The following LRGUK variants were observed in gnomAD, a reference collection of about 807,000 sequenced individuals.
LRGUK encodes the protein leucine rich repeats and guanylate kinase domain containing.
LRGUK carries 65 observed loss-of-function variants against 76.0 expected under a neutral mutation model. The observed-to-expected ratio is 0.85, with a 90% confidence interval of 0.70 to 1.05. The LOEUF (loss-of-function observed/expected upper bound fraction) is 1.05. Ranked by LOEUF, LRGUK falls within the 50% of genes least tolerant of loss-of-function variation. The pLI, the probability that LRGUK is intolerant of heterozygous loss-of-function variation, is 0.00. For synonymous variants in LRGUK, 268 were observed against 265.6 expected (o/e 1.01, Z -0.09); for missense variants, 758 against 732.8 (o/e 1.03, Z -0.40).
intron 16 of LRGUK, among the ~76,000 whole-genome samples, chr7:134,240,723 A>G (rs1270006935): frequency 1.3e-5 from 2 of 152,226 alleles, no homozygotes; most frequent in African/African-American, 2.4e-5. Context: ...ATACTCCTCT[A>G]GAAGAGCAAC....
At chr7:134,169,292 G>T (rs1455702471) in intron 7 of LRGUK, among the ~76,000 whole-genome samples, 1 of 152,138 alleles carries the variant, frequency 6.6e-6, no homozygotes, top group African/African-American at 2.4e-5. Context: ...AGCTGGAGAA[G>T]GTAGGGAAGG....
At chr7:134,132,052 C>G (rs1797331640) in intron 1 of LRGUK, among the ~76,000 whole-genome samples, 1 of 152,150 alleles carries the variant, frequency 6.6e-6, no homozygotes, top group African/African-American at 2.4e-5. Flanking sequence ...AGCCAAGAGT[C>G]TCAAGAACGT....
chr7:134,249,094 G>A lies in LRGUK; in HGVS notation c.2198+18G>A, dbSNP rs1280949492. ...GAAAAGAGGTGAGTTGAGGTGTTTT[G>A]TTGGATGGAATTGGCTATTTTCTGC... On this transcript the variant is annotated intron_variant, in intron 18 of 19. Coordinates refer to the LRGUK transcript ENST00000285928. The A allele has an allele frequency of 8.4e-6, 13 of 1,550,004 alleles. No individual in the cohort carries two copies. Among genetic ancestry groups the A allele is most frequent in the African/African-American group, 1.4e-5 (1 of 72,348 alleles).
At chr7:134,261,046 G>A (rs772034160) in intron 19 of LRGUK, among the ~76,000 whole-genome samples, 5 of 152,140 alleles carry the variant, frequency 3.3e-5, no homozygotes, top group Non-Finnish European at 7.3e-5. Context: ...CATTTGTTTG[G>A]TTGCAGTAGA....
At chr7:134,252,077 T>A (rs1802460604) in intron 18 of LRGUK, among the ~76,000 whole-genome samples, 1 of 151,994 alleles carries the variant, frequency 6.6e-6, no homozygotes, top group Non-Finnish European at 1.5e-5. Context: ...CTCACACCTC[T>A]AATTCCAGTA....
chr7:134,163,573 T>C, intron 7 of LRGUK, 33 bp downstream of exon 7: 1 of 1,579,716 alleles, frequency 6.3e-7, no homozygotes, highest in Non-Finnish European at 8.6e-7. Flanking sequence ...TTGGTTTCAG[T>C]GTTGACATAA....
rs751675520 is a variant in LRGUK, at chr7:134,178,577, C to T, written c.1182C>T (p.Asn394=). The change falls in exon 10 of 16, where the codon AAC becomes AAT. Residue 394 remains asparagine (N), a synonymous_variant. Coordinates refer to ENST00000645682, the Ensembl canonical transcript of LRGUK. Reference sequence around the variant, plus strand: ...AAGACCACCTGACCCATGTTGTCAACAGCGTGATGCAGCCGCAGAGGATCT... The same window carrying T: ...AAGACCACCTGACCCATGTTGTCAATAGCGTGATGCAGCCGCAGAGGATCT... 6.8e-6 allele frequency: 11 copies of T among 1,613,006 alleles called. No homozygotes were observed. The Middle Eastern group carries it at 4.9e-4, about 73-fold the overall frequency.
intron 16 of LRGUK, among the ~76,000 whole-genome samples, chr7:134,243,971 A>G (rs1398148484): frequency 6.6e-6 from 1 of 152,210 alleles, no homozygotes; most frequent in African/African-American, 2.4e-5. Context: ...CTATTTAATA[A>G]ATGGTGCTGG....
intron 17 of LRGUK, 147 bp from the exon 18 acceptor site, chr7:134,248,804 A>G: frequency 3.9e-6 from 2 of 513,778 alleles, no homozygotes; most frequent in Non-Finnish European, 6.1e-6. Context: ...TCTGATGTGC[A>G]TGTTTCTGAG....
chr7:134,276,314 T>C, the LRGUK span, among the ~76,000 whole-genome samples: 2 of 152,246 alleles, frequency 1.3e-5, no homozygotes, highest in African/African-American at 2.4e-5. Context: ...AAGGCACTAT[T>C]ATAGAATGAT....
chr7:134,235,622 CCT>C (rs1293389585), intron 16 of LRGUK, among the ~76,000 whole-genome samples: 5 of 152,256 alleles, frequency 3.3e-5, no homozygotes, highest in East Asian at 3.9e-4. Flanking sequence ...TTGGTCTTCC[CCT>C]GTTAGACTAT....
At chr7:134,169,713 C>T (rs1799165394) in intron 7 of LRGUK, among the ~76,000 whole-genome samples, 1 of 152,120 alleles carries the variant, frequency 6.6e-6, no homozygotes, top group Admixed American at 6.5e-5. Context: ...ATTGTCCCAA[C>T]ATTTCAGAAT....
chr7:134,231,511 C>T (rs1801890142), intron 16 of LRGUK, among the ~76,000 whole-genome samples: 1 of 146,578 alleles, frequency 6.8e-6, no homozygotes, highest in Non-Finnish European at 1.5e-5. Context: ...TTCGTTCCTT[C>T]CTTCCTCCCT....
intron 11 of LRGUK, among the ~76,000 whole-genome samples, chr7:134,185,235 CA>C (rs1799934679): frequency 6.6e-6 from 1 of 151,788 alleles, no homozygotes. Flanking sequence ...ACAAAAAAAC[CA>C]CACACACACA....
At chr7:134,143,190 C>A in intron 4 of LRGUK, 28 bp downstream of exon 4, 1 of 1,297,102 alleles carries the variant, frequency 7.7e-7, no homozygotes, top group Non-Finnish European at 1.1e-6. Context: ...CTTAATTACA[C>A]ATTAAGGGGT....
At chr7:134,201,960 C>T (rs1420106915) in intron 15 of LRGUK, among the ~76,000 whole-genome samples, 1 of 152,112 alleles carries the variant, frequency 6.6e-6, no homozygotes, top group Non-Finnish European at 1.5e-5. Context: ...TTCCCCTTTT[C>T]TTTGCGTTAC....
chr7:134,145,438 G>T (rs906442091), intron 4 of LRGUK, among the ~76,000 whole-genome samples: 2 of 152,094 alleles, frequency 1.3e-5, no homozygotes, highest in African/African-American at 4.8e-5. Context: ...GTAGAGACGG[G>T]GTTTCACCAT....
intron 11 of LRGUK, among the ~76,000 whole-genome samples, chr7:134,189,692 G>A (rs1800120349): frequency 6.6e-6 from 1 of 152,206 alleles, no homozygotes; most frequent in Non-Finnish European, 1.5e-5. Flanking sequence ...TTTGCTGCAA[G>A]GGTGCCAAGC....
At chr7:134,163,260 G>A (rs1280330430) in intron 6 of LRGUK, 137 bp from the exon 7 acceptor site, 5 of 667,182 alleles carry the variant, frequency 7.5e-6, no homozygotes. Flanking sequence ...TGATGGAAAT[G>A]GGATGGAGGG....
Sources: gnomAD v4.1 joint callset for allele counts (sites outside exome capture counted in the v4.1 genomes callset) on GRCh38, gnomAD v4.1.1 for gene constraint, MANE v1.5 for transcripts, NCBI Gene and HGNC (gene_info 2026-07-23, HGNC 2026-07-21) for gene names.